GRK4: variants seen among roughly 807,000 people sequenced by gnomAD.
The protein encoded by GRK4 is G protein-coupled receptor kinase 4.
Under a neutral mutation model 77.9 loss-of-function variants are expected in GRK4, and 73 were observed. That is an observed-to-expected ratio of 0.94 (90% CI 0.78 to 1.14). GRK4 has a LOEUF of 1.14. GRK4 is among the 50% of genes most tolerant of loss of function. GRK4 has a pLI of 0.00. For missense variants in GRK4, 729 were observed against 700.2 expected (o/e 1.04, Z -0.46); for synonymous variants, 257 against 254.4 (o/e 1.01, Z -0.10).
rs1009716084 is a variant in GRK4 at position 3,013,698 on chromosome 4, G to C, written c.611G>C (p.Cys204Ser). The part of the protein sequence containing the change: ...GKGGFGEVCA[C>S]QVRATGKMYA... ...TGCTGTTTAAACTAGGTTTGCGCCT[G>C]TCAAGTGCGAGCCACAGGAAAAATG... The change falls in exon 8 of 16, where the codon TGT (cysteine) becomes TCT (serine). Residue 204 changes from cysteine to serine, a missense_variant. Coordinates refer to ENST00000398052, the MANE Select transcript of GRK4 (RefSeq NM_182982.3). 1 of 1,610,142 alleles carries C rather than the reference G, an allele frequency of 6.2e-7. No individual in the cohort carries two copies.
At chr4:2,995,723 G>A (rs2109726144) in intron 4 of GRK4, among the ~76,000 whole-genome samples, 1 of 152,114 alleles carries the variant, frequency 6.6e-6, no homozygotes, top group Non-Finnish European at 1.5e-5. Flanking sequence ...CAGCTGCGTG[G>A]GACACACTTC....
At position 2,965,249 on chromosome 4, in the gene GRK4, G is replaced by A. The variant is rs981013686; in HGVS notation, c.52+1127G>A. 51 of 702,822 alleles carry A rather than the reference G, an allele frequency of 7.3e-5. No homozygotes were observed. The East Asian group carries it at 1.4e-3, about 19-fold the overall frequency. 43.5% of individuals were successfully genotyped at this position (702,822 alleles called of 1,614,324 possible). A position where few individuals can be genotyped will look rare whatever the true frequency, so the allele number is the denominator to read the frequency against. On this transcript the variant is annotated intron_variant, in intron 1 of 15. Transcript: ENST00000398052. ...CCCATGCTGGTCTCTCTAGTCCTCTGCATCCCGCCACAAAAGCATCAGTTG... is the reference window on the plus strand; with the variant it reads ...CCCATGCTGGTCTCTCTAGTCCTCTACATCCCGCCACAAAAGCATCAGTTG...
At chr4:2,993,696 CAA>C (rs1374142878) in intron 4 of GRK4, among the ~76,000 whole-genome samples, 1 of 151,816 alleles carries the variant, frequency 6.6e-6, no homozygotes, top group Non-Finnish European at 1.5e-5. Flanking sequence ...CAAAAAAACA[CAA>C]AAAAATCACT....
chr4:3,009,591 CT>C, intron 6 of GRK4, 56 bp from the exon 7 acceptor site: 1 of 1,380,186 alleles, frequency 7.2e-7, no homozygotes, highest in South Asian at 1.2e-5. Flanking sequence ...GTAAACTTTT[CT>C]TTTTTAAAAG....
Position 3,037,427 on chromosome 4 carries a change from G to C in GRK4, c.1461G>C (p.Val487=). ...DVLDIEQFSV[V]KGIYLDTADE... ...TGGATATCGAGCAGTTCTCGGTGGT[G>C]AAAGGGATCTACCTGGACACCGCAG... Residue 487 remains valine, a synonymous_variant, in exon 14 of 16, where the codon GTG becomes GTC. Transcript: ENST00000398052. 1 of 1,608,156 alleles carries C rather than the reference G, an allele frequency of 6.2e-7. No homozygotes were observed. Among genetic ancestry groups the C allele is most frequent in the Non-Finnish European group, 8.5e-7 (1 of 1,175,800 alleles).
At chr4:2,977,874 T>C (rs2022485) in intron 1 of GRK4, among the ~76,000 whole-genome samples, 58,378 of 152,114 alleles carry the variant, frequency 0.38, 11,964 homozygotes, top group African/African-American at 0.51. Flanking sequence ...CTCATTGGGC[T>C]GCCACTTCCC....
intron 4 of GRK4, among the ~76,000 whole-genome samples, chr4:3,000,652 C>T (rs1359364119): frequency 6.6e-6 from 1 of 151,732 alleles, no homozygotes; most frequent in South Asian, 2.1e-4. Context: ...GCAACCTTTG[C>T]CTCCTGGGTT....
At chr4:3,039,626 AG>A (rs1333858820) in intron 15 of GRK4, among the ~76,000 whole-genome samples, 5 of 141,188 alleles carry the variant, frequency 3.5e-5, no homozygotes, top group Non-Finnish European at 6.1e-5. Context: ...TGAACCTGGG[AG>A]GCGGAGGTTA....
At chr4:2,996,834 C>G (rs1728086231) in intron 4 of GRK4, among the ~76,000 whole-genome samples, 1 of 151,906 alleles carries the variant, frequency 6.6e-6, no homozygotes, top group South Asian at 2.1e-4. Flanking sequence ...AAATAAAAAG[C>G]AATGATTCAC....
At chr4:3,003,670 A>G (rs1340143458) in intron 4 of GRK4, among the ~76,000 whole-genome samples, 4 of 152,168 alleles carry the variant, frequency 2.6e-5, no homozygotes, top group African/African-American at 4.8e-5. Flanking sequence ...TTATGCTGCA[A>G]TGAACATGGG....
In GRK4 at chr4:3,040,585, T is replaced by A. The variant is rs1367316906; in HGVS notation, c.1697T>A (p.Met566Lys). 2 of 1,610,736 alleles carry A rather than the reference T, an allele frequency of 1.2e-6. No individual in the cohort carries two copies. Among genetic ancestry groups the A allele is most frequent in the South Asian group, 2.2e-5 (2 of 90,030 alleles). ...TGTGTGTTGTAGGGCTGCCTGACCA[T>A]GGTCCCCAGTGAGAAGGAAGTGGAA... ...RLFRRGGCLT[M>K]VPSEKEVEPK... The change falls in exon 16 of 16, where the codon ATG becomes AAG. Residue 566 changes from methionine (M) to lysine (K), a missense_variant. Physicochemically the swap from Met to Lys is moderately conservative, Grantham distance 95. Coordinates refer to ENST00000398052, the MANE Select transcript of GRK4 (RefSeq NM_182982.3).
chr4:3,014,296 CTTTTTTTT>C (rs60684225), intron 8 of GRK4, among the ~76,000 whole-genome samples: 1 of 119,000 alleles, frequency 8.4e-6, no homozygotes, highest in Non-Finnish European at 1.7e-5. Context: ...CTCTCTCTCT[CTTTTTTTT>C]TTTTTTTTTT....
intron 12 of GRK4, among the ~76,000 whole-genome samples, chr4:3,029,872 A>C (rs1738679880): frequency 6.6e-6 from 1 of 152,196 alleles, no homozygotes; most frequent in Non-Finnish European, 1.5e-5. Flanking sequence ...CAGTGAGAAA[A>C]GTTTCCAGAC....
intron 1 of GRK4, among the ~76,000 whole-genome samples, chr4:2,973,758 T>C (rs1320726063): frequency 2.6e-5 from 4 of 152,178 alleles, no homozygotes; most frequent in Non-Finnish European, 5.9e-5. Context: ...CAGCCCGTTC[T>C]CAGCACAGCA....
intron 4 of GRK4, among the ~76,000 whole-genome samples, chr4:2,994,566 T>A (rs373375522): frequency 6.6e-6 from 1 of 152,070 alleles, no homozygotes; most frequent in African/African-American, 2.4e-5. Flanking sequence ...TCTTCACCTC[T>A]TCTGAAGAAA....
chr4:2,978,775 T>C (rs1451610302), intron 1 of GRK4, among the ~76,000 whole-genome samples: 1 of 151,748 alleles, frequency 6.6e-6, no homozygotes, highest in Non-Finnish European at 1.5e-5. Flanking sequence ...CAAGATCTCT[T>C]CTCTACAAAA....
intron 4 of GRK4, among the ~76,000 whole-genome samples, chr4:2,995,314 T>C (rs1370587683): frequency 6.6e-6 from 1 of 152,092 alleles, no homozygotes; most frequent in Non-Finnish European, 1.5e-5. Context: ...GAGGCTAGGA[T>C]GCCCAGTTCA....
intron 4 of GRK4, among the ~76,000 whole-genome samples, chr4:3,003,102 C>G (rs1730318723): frequency 1.3e-5 from 2 of 152,170 alleles, no homozygotes; most frequent in South Asian, 4.1e-4. Context: ...GCCTGGCAAC[C>G]ACCATTCTAC....
intron 13 of GRK4, 49 bp downstream of exon 13, chr4:3,035,572 C>T (rs1368227851): frequency 1.3e-6 from 2 of 1,549,396 alleles, no homozygotes; most frequent in Non-Finnish European, 1.7e-6. Flanking sequence ...GTGATCCGCA[C>T]AGCACGGTTT....
Sources: allele counts gnomAD v4.1 joint callset (sites outside exome capture counted in the v4.1 genomes callset), GRCh38; gene constraint gnomAD v4.1.1; transcripts MANE v1.5; gene names NCBI Gene and HGNC (gene_info 2026-07-23, HGNC 2026-07-21).